UTS2: variants seen among roughly 807,000 people sequenced by gnomAD.
UTS2 encodes urotensin-2.
UTS2 carries 10 observed loss-of-function variants against 12.6 expected under a neutral mutation model. That is an observed-to-expected ratio of 0.80 (90% CI 0.49 to 1.35). The LOEUF is 1.35. Among genes scored for constraint, UTS2 ranks in the 40% most tolerant of loss-of-function variants. The pLI, the probability that UTS2 is intolerant of heterozygous loss-of-function variation, is 0.00. For synonymous variants in UTS2, 52 were observed against 50.0 expected (o/e 1.04, Z -0.17); for missense variants, 142 against 143.2 (o/e 0.99, Z 0.04).
upstream of UTS2, among the ~76,000 whole-genome samples, chr1:7,854,615 T>A (rs1638266032): frequency 1.3e-5 from 2 of 151,468 alleles, no homozygotes; most frequent in South Asian, 4.2e-4. Context: ...TAGGCAAATA[T>A]TTCTTAGACA....
At chr1:7,904,941 G>A in the UTS2 span, among the ~76,000 whole-genome samples, 16 of 147,700 alleles carry the variant, frequency 1.1e-4, no homozygotes, top group Non-Finnish European at 2.4e-4. Context: ...CATAGAAAGG[G>A]GACTTAAAGG....
chr1:7,851,970 GATTC>G (rs1325168040), intron 1 of UTS2, among the ~76,000 whole-genome samples: 1 of 151,978 alleles, frequency 6.6e-6, no homozygotes, highest in African/African-American at 2.4e-5. Flanking sequence ...AAATAGCAGA[GATTC>G]AGTAAAGTTA....
upstream of UTS2, chr1:7,853,076 C>T (rs2097415822): frequency 1.9e-6 from 3 of 1,553,422 alleles, no homozygotes; most frequent in Admixed American, 6.4e-5. Context: ...CTCATTCTGC[C>T]TGCTCACTGA....
the UTS2 span, among the ~76,000 whole-genome samples, chr1:7,902,938 G>A: frequency 6.6e-6 from 1 of 152,032 alleles, no homozygotes; most frequent in South Asian, 2.1e-4. Flanking sequence ...GGTGTCTACT[G>A]CCCTCTTGTG....
chr1:7,889,792 C>T, the UTS2 span, among the ~76,000 whole-genome samples: 23 of 149,558 alleles, frequency 1.5e-4, no homozygotes, highest in South Asian at 6.4e-4. Context: ...TTTGGCCGGG[C>T]GCAGTGGCTC....
At chr1:7,895,951 A>C in the UTS2 span, among the ~76,000 whole-genome samples, 6 of 152,190 alleles carry the variant, frequency 3.9e-5, no homozygotes, top group African/African-American at 1.4e-4. Flanking sequence ...TGGATATGCT[A>C]AACCCTAGAT....
the UTS2 span, among the ~76,000 whole-genome samples, chr1:7,885,909 GGGGGGGGGCGGGT>G: frequency 1.5e-5 from 1 of 68,010 alleles, no homozygotes; most frequent in Admixed American, 1.3e-4. Context: ...GGGGTGGGGT[GGGGGGGGGCGGGT>G]GGAGGTGGAG....
chr1:7,904,960 G>T, the UTS2 span, among the ~76,000 whole-genome samples: 1 of 144,190 alleles, frequency 6.9e-6, no homozygotes, highest in Admixed American at 7.0e-5. Flanking sequence ...GGATAATTTA[G>T]TGAATACATG....
the UTS2 span, among the ~76,000 whole-genome samples, chr1:7,907,390 C>T: frequency 2.0e-5 from 3 of 150,814 alleles, no homozygotes; most frequent in Non-Finnish European, 4.4e-5. Context: ...CTCAGGCCTG[C>T]AATCCCAGCA....
chr1:7,891,827 T>C, the UTS2 span, among the ~76,000 whole-genome samples: 1 of 152,184 alleles, frequency 6.6e-6, no homozygotes, highest in Non-Finnish European at 1.5e-5. Flanking sequence ...TATTGTTTCA[T>C]TTATGTAAAC....
At chr1:7,912,656 A>G in the UTS2 span, among the ~76,000 whole-genome samples, 1 of 152,072 alleles carries the variant, frequency 6.6e-6, no homozygotes, top group Non-Finnish European at 1.5e-5. Flanking sequence ...GTGTTTCACC[A>G]TGTTGGCCAG....
the UTS2 span, among the ~76,000 whole-genome samples, chr1:7,890,530 A>T: frequency 6.6e-6 from 1 of 152,160 alleles, no homozygotes; most frequent in South Asian, 2.1e-4. Flanking sequence ...CATCCTAGGG[A>T]GATAATCAGA....
chr1:7,893,960 A>G, the UTS2 span, among the ~76,000 whole-genome samples: 1 of 152,160 alleles, frequency 6.6e-6, no homozygotes, highest in African/African-American at 2.4e-5. Context: ...AGGCATAGCT[A>G]GAGAGAGAAT....
the UTS2 span, among the ~76,000 whole-genome samples, chr1:7,889,176 C>A: frequency 6.8e-6 from 1 of 147,544 alleles, no homozygotes; most frequent in African/African-American, 2.5e-5. Context: ...GCAATCCCAG[C>A]ACTTTGGGAG....
At chr1:7,879,855 C>A in the UTS2 span, among the ~76,000 whole-genome samples, 1 of 151,972 alleles carries the variant, frequency 6.6e-6, no homozygotes, top group Non-Finnish European at 1.5e-5. Flanking sequence ...GCAATAAATG[C>A]CTACATCTAA....
chr1:7,899,378 T>C, the UTS2 span, among the ~76,000 whole-genome samples: 1 of 152,214 alleles, frequency 6.6e-6, no homozygotes, highest in African/African-American at 2.4e-5. Context: ...TAAAACACTT[T>C]CAACATTTTC....
intron 2 of UTS2, among the ~76,000 whole-genome samples, chr1:7,850,234 T>G (rs1216993845): frequency 6.6e-6 from 1 of 152,166 alleles, no homozygotes; most frequent in South Asian, 2.1e-4. Context: ...CCTCCCAAAG[T>G]GCTGGGATTA....
chr1:7,874,707 G>C, the UTS2 span, among the ~76,000 whole-genome samples: 1 of 152,182 alleles, frequency 6.6e-6, no homozygotes, highest in Non-Finnish European at 1.5e-5. Flanking sequence ...ATATGGTTTG[G>C]CTGTGTCCCC....
chr1:7,889,866 A>G, the UTS2 span, among the ~76,000 whole-genome samples: 1 of 152,066 alleles, frequency 6.6e-6, no homozygotes, highest in Non-Finnish European at 1.5e-5. Flanking sequence ...GGAGATCGAG[A>G]CCTCCCTGGC....
Sources: allele counts gnomAD v4.1 joint callset (sites outside exome capture counted in the v4.1 genomes callset), GRCh38; gene constraint gnomAD v4.1.1; transcripts MANE v1.5; gene names NCBI Gene and HGNC (gene_info 2026-07-23, HGNC 2026-07-21).